PDE8B: variants seen among roughly 807,000 people sequenced by gnomAD.
PDE8B encodes high affinity cAMP-specific and IBMX-insensitive 3',5'-cyclic phosphodiesterase 8B.
Under a neutral mutation model 101.3 loss-of-function variants are expected in PDE8B, and 26 were observed. The observed-to-expected ratio is 0.26, with a 90% CI of 0.19 to 0.36. PDE8B has a LOEUF of 0.36. Ranked by LOEUF, PDE8B falls within the 10% of genes least tolerant of loss-of-function variation. PDE8B has a pLI of 1.00. For synonymous variants in PDE8B, 424 were observed against 429.3 expected, an observed-to-expected ratio of 0.99 and a Z score of 0.15; for missense variants, 810 against 1,163.1, an observed-to-expected ratio of 0.70 and a Z score of 4.42.
At chr5:77,297,327 C>T (rs1198847952) in intron 1 of PDE8B, among the ~76,000 whole-genome samples, 1 of 152,208 alleles carries the variant, frequency 6.6e-6, no homozygotes, top group African/African-American at 2.4e-5. Context: ...CATAGCACCC[C>T]TCACCACTAC....
the PDE8B span, among the ~76,000 whole-genome samples, chr5:77,121,757 CG>C: frequency 6.6e-6 from 1 of 152,158 alleles, no homozygotes; most frequent in Non-Finnish European, 1.5e-5. Flanking sequence ...CCACCCGCCT[CG>C]GCCTCCCAGA....
intron 6 of PDE8B, among the ~76,000 whole-genome samples, chr5:77,338,584 T>C (rs898261554): frequency 1.3e-5 from 2 of 152,224 alleles, no homozygotes; most frequent in Non-Finnish European, 2.9e-5. Flanking sequence ...GTATGTCAGC[T>C]TCAGAGAACT....
chr5:77,188,648 T>C, the PDE8B span, among the ~76,000 whole-genome samples: 1 of 151,688 alleles, frequency 6.6e-6, no homozygotes, highest in Non-Finnish European at 1.5e-5. Flanking sequence ...AAGAGGAAAA[T>C]AAGTAGGAAG....
At chr5:77,309,807 A>G (rs899454587) in intron 1 of PDE8B, among the ~76,000 whole-genome samples, 1 of 151,110 alleles carries the variant, frequency 6.6e-6, no homozygotes, top group African/African-American at 2.4e-5. Context: ...TTGAGTAGAA[A>G]TGGGGTTTCA....
rs143929522 is a variant in PDE8B, at chr5:77,300,910, G to T, written c.340-11084G>T. 4.4e-3 allele frequency among the ~76,000 whole-genome samples: 669 copies of T among 152,352 alleles called. 4 individuals carry two copies. Among genetic ancestry groups the T allele is most frequent in the Non-Finnish European group, 7.7e-3 (527 of 68,028 alleles). On this transcript the variant is annotated intron_variant, in intron 1 of 21. Transcript: ENST00000264917. ...ATAAGTGAAATTCCTTTTCAAAAAA[G>T]TGGGCATTTGCATTTTGTGGCTGAC...
At chr5:77,123,362 A>ACCCC in the PDE8B span, among the ~76,000 whole-genome samples, 1 of 145,952 alleles carries the variant, frequency 6.9e-6, no homozygotes, top group Non-Finnish European at 1.5e-5. Context: ...TTCCTCCCCC[A>ACCCC]CCGCCCCCCG....
chr5:77,311,911 A>G, intron 1 of PDE8B, 83 bp from the exon 2 acceptor site: 1 of 1,069,246 alleles, frequency 9.4e-7, no homozygotes, highest in Non-Finnish European at 1.5e-6. Context: ...ACGGTGGCAT[A>G]ATGCAATGCG....
At chr5:77,254,240 T>C (rs1236504970) in intron 1 of PDE8B, among the ~76,000 whole-genome samples, 1 of 152,168 alleles carries the variant, frequency 6.6e-6, no homozygotes, top group Admixed American at 6.5e-5. Flanking sequence ...TTGAGAGGTG[T>C]CTGAGACATC....
rs1204647630 is a variant in PDE8B at position 77,408,975 on chromosome 5, G to A, written c.1448G>A (p.Arg483Gln). 2.5e-6 allele frequency: 4 copies of A among 1,612,502 alleles called. No individual in the cohort carries two copies. The highest frequency in any genetic ancestry group is 1.7e-5 in the Admixed American group (1 of 59,992). ...EALDRVLEIL[R>Q]TTELYSPQLG... ...TTGGACAGAGTTCTAGAGATTTTAC[G>A]GACCACAGAACTGTACTCCCCTCAG... Residue 483 changes from arginine (R) to glutamine (Q), a missense_variant, in exon 14 of 22, where the codon CGG becomes CAG. Around this residue, in one of 4 missense-constraint regions of PDE8B, gnomAD observed 325 missense variants for 560.9 expected, o/e 0.58. Transcript: ENST00000264917.
At chr5:77,261,741 C>G (rs935191962) in intron 1 of PDE8B, among the ~76,000 whole-genome samples, 3 of 152,190 alleles carry the variant, frequency 2.0e-5, no homozygotes, top group Non-Finnish European at 4.4e-5. Context: ...CTAAGGCTGT[C>G]AGTGGAAGGA....
chr5:77,370,384 C>G (rs1208769688), intron 10 of PDE8B, among the ~76,000 whole-genome samples: 1 of 152,156 alleles, frequency 6.6e-6, no homozygotes, highest in African/African-American at 2.4e-5. Flanking sequence ...TTTGCCTGTT[C>G]TAGAATTTCA....
chr5:77,204,110 T>G, the PDE8B span, among the ~76,000 whole-genome samples: 2 of 147,452 alleles, frequency 1.4e-5, no homozygotes, highest in Non-Finnish European at 3.0e-5. Context: ...CAAAGTGCTA[T>G]GTGAGAGTAT....
chr5:77,223,441 AT>A (rs1052942260), intron 1 of PDE8B, among the ~76,000 whole-genome samples: 3 of 132,916 alleles, frequency 2.3e-5, no homozygotes, highest in African/African-American at 8.7e-5. Context: ...TCTGGAATGT[AT>A]TTTACAATTA....
At chr5:77,097,045 T>C in the PDE8B span, among the ~76,000 whole-genome samples, 3 of 152,238 alleles carry the variant, frequency 2.0e-5, no homozygotes, top group African/African-American at 7.2e-5. Context: ...TATTTTTCTC[T>C]ATTTTCCTTT....
chr5:77,179,364 C>G, the PDE8B span, among the ~76,000 whole-genome samples: 1 of 152,162 alleles, frequency 6.6e-6, no homozygotes, highest in African/African-American at 2.4e-5. Context: ...TTTGGCTGGA[C>G]TGACTCAGCA....
rs115358635 is a variant in PDE8B at position 77,260,008 on chromosome 5, A to G, written c.339+48744A>G. ...GAAACCCCATCTCTACTAAAAATAC[A>G]AAAAGATTAGGTGGCCATGGTGGCC... On this transcript the variant is annotated intron_variant, in intron 1 of 21. Transcript: ENST00000264917. Among the ~76,000 whole-genome samples, 23 of 152,226 alleles carry G rather than the reference A, an allele frequency of 1.5e-4. 1 individual carries two copies. The highest frequency in any genetic ancestry group is 1.4e-3 in the Admixed American group (21 of 15,294).
chr5:77,322,031 C>T (rs986457112), intron 2 of PDE8B, among the ~76,000 whole-genome samples: 3 of 152,154 alleles, frequency 2.0e-5, no homozygotes, highest in Admixed American at 6.5e-5. Context: ...GCAAGAGCCT[C>T]CACTGTGGTT....
chr5:77,130,927 A>G, the PDE8B span, among the ~76,000 whole-genome samples: 1 of 152,246 alleles, frequency 6.6e-6, no homozygotes, highest in African/African-American at 2.4e-5. Context: ...GCTCAAAGTC[A>G]TATGACTTCC....
At chr5:77,258,289 CAAAAAAAAA>C (rs70988662) in intron 1 of PDE8B, among the ~76,000 whole-genome samples, 1 of 88,580 alleles carries the variant, frequency 1.1e-5, no homozygotes, top group African/African-American at 4.4e-5. Flanking sequence ...GACTCCATCT[CAAAAAAAAA>C]AAAAAAAAAA....
Sources: allele counts gnomAD v4.1 joint callset (sites outside exome capture counted in the v4.1 genomes callset), GRCh38; gene constraint gnomAD v4.1.1; regional missense constraint gnomAD v4.1.1; transcripts MANE v1.5; gene names NCBI Gene and HGNC (gene_info 2026-07-23, HGNC 2026-07-21).